Variants in BICD1 observed in about 807,000 individuals in gnomAD.
The protein encoded by BICD1 is BICD cargo adaptor 1, also known as protein bicaudal D homolog 1.
BICD1 carries 35 observed loss-of-function variants against 92.5 expected under a neutral mutation model. The observed-to-expected ratio is 0.38, with a 90% confidence interval of 0.29 to 0.50. The LOEUF (loss-of-function observed/expected upper bound fraction) is 0.50. BICD1 is among the 20% of genes least tolerant of loss of function. The pLI, the probability that BICD1 is intolerant of heterozygous loss-of-function variation, is 0.93. For missense variants in BICD1, 950 were observed against 1,189.8 expected, an observed-to-expected ratio of 0.80 and a Z score of 2.97; for synonymous variants, 429 against 465.1, an observed-to-expected ratio of 0.92 and a Z score of 1.00.
chr12:32,235,828 G>A (rs572589185), intron 2 of BICD1, among the ~76,000 whole-genome samples: 1 of 151,206 alleles, frequency 6.6e-6, no homozygotes, highest in African/African-American at 2.4e-5. Context: ...AGCCTCCCAA[G>A]TAGCTGGGAC....
At chr12:32,209,361 G>A (rs1225058730) in intron 1 of BICD1, among the ~76,000 whole-genome samples, 2 of 152,172 alleles carry the variant, frequency 1.3e-5, no homozygotes, top group South Asian at 2.1e-4. Context: ...GCAGAACAAT[G>A]TAGAGAAAAC....
intron 1 of BICD1, among the ~76,000 whole-genome samples, chr12:32,164,140 A>G (rs373615406): frequency 6.6e-6 from 1 of 152,166 alleles, no homozygotes; most frequent in Admixed American, 6.5e-5. Flanking sequence ...TGTCACAGCT[A>G]TAAGTTGGAG....
intron 3 of BICD1, among the ~76,000 whole-genome samples, chr12:32,302,960 G>T (rs1388929760): frequency 7.2e-6 from 1 of 139,234 alleles, no homozygotes; most frequent in African/African-American, 2.7e-5. Flanking sequence ...TCAAGACAGG[G>T]CCTCACTCTG....
intron 8 of BICD1, among the ~76,000 whole-genome samples, chr12:32,351,785 C>A (rs531165706): frequency 1.3e-5 from 2 of 150,590 alleles, no homozygotes; most frequent in Non-Finnish European, 3.0e-5. Context: ...TTCCTGTAAT[C>A]CCAGCTACTC....
At chr12:32,319,528 TTTTCTTATAATATG>T (rs1948592081) in intron 4 of BICD1, among the ~76,000 whole-genome samples, 1 of 152,144 alleles carries the variant, frequency 6.6e-6, no homozygotes, top group South Asian at 2.1e-4. Flanking sequence ...TTTAGTTTTC[TTTTCTTATAATATG>T]TTTCTCTGGG....
intron 3 of BICD1, among the ~76,000 whole-genome samples, chr12:32,301,503 A>C (rs1445117774): frequency 6.6e-6 from 1 of 152,064 alleles, no homozygotes; most frequent in African/African-American, 2.4e-5. Flanking sequence ...GGCCGAGTGC[A>C]GTGGCTCACG....
intron 2 of BICD1, among the ~76,000 whole-genome samples, chr12:32,285,024 G>A (rs1947525861): frequency 6.6e-6 from 1 of 152,152 alleles, no homozygotes; most frequent in African/African-American, 2.4e-5. Flanking sequence ...GGGGCTGTAA[G>A]GAAATGCTCA....
chr12:32,324,925 A>G (rs1948741384), intron 4 of BICD1, among the ~76,000 whole-genome samples: 1 of 152,026 alleles, frequency 6.6e-6, no homozygotes, highest in African/African-American at 2.4e-5. Flanking sequence ...CCTCCACTAA[A>G]TTTCTTTGGG....
At chr12:32,339,322 C>G (rs923607456) in intron 8 of BICD1, 2 of 1,018,880 alleles carry the variant, frequency 2.0e-6, no homozygotes, top group South Asian at 4.4e-5. Context: ...CAGATTTGGC[C>G]AGTTCTCTCT....
intron 2 of BICD1, among the ~76,000 whole-genome samples, chr12:32,255,970 T>C (rs1356789947): frequency 6.6e-6 from 1 of 152,202 alleles, no homozygotes; most frequent in Admixed American, 6.5e-5. Context: ...TTATTATTAA[T>C]TTATCAATAG....
intron 1 of BICD1, among the ~76,000 whole-genome samples, chr12:32,130,123 T>C (rs894799880): frequency 6.6e-6 from 1 of 152,092 alleles, no homozygotes; most frequent in African/African-American, 2.4e-5. Flanking sequence ...TCAATCTGAG[T>C]AGTCAGTGAA....
chr12:32,296,256 G>GTTTTTTTTTT (rs373796519), intron 3 of BICD1, among the ~76,000 whole-genome samples: 1 of 90,194 alleles, frequency 1.1e-5, no homozygotes, highest in Non-Finnish European at 2.4e-5. Flanking sequence ...GTTTTTTTTT[G>GTTTTTTTTTT]TTTTTTTTTT....
At position 32,296,320 on chromosome 12, in the gene BICD1, C is replaced by T. The variant is rs567124129; in HGVS notation, c.579+2174C>T. 6.1e-5 allele frequency among the ~76,000 whole-genome samples: 8 copies of T among 130,500 alleles called. 1 individual carries two copies. In the South Asian group the frequency reaches 9.9e-4, roughly 16 times the overall value. The allele number at this position is 130,500 out of a possible 152,430, so 85.6% of individuals were successfully genotyped here. The stretch of plus-strand genomic sequence containing the variant: ...GTCACCAGGCTGGAGTGCAGTGGCG[C>T]GATCTTGGCTCACTGCAACCTCTGC... On this transcript the variant is annotated intron_variant, in intron 3 of 9. Coordinates refer to ENST00000652176, the MANE Select transcript of BICD1 (RefSeq NM_001714.4).
At chr12:32,357,136 T>C (rs541593008) in intron 8 of BICD1, among the ~76,000 whole-genome samples, 100 of 151,446 alleles carry the variant, frequency 6.6e-4, no homozygotes, top group African/African-American at 2.2e-3. Flanking sequence ...CTCAGCCTCC[T>C]GAGTAGCTGG....
chr12:32,246,272 T>G (rs1486083487), intron 2 of BICD1, among the ~76,000 whole-genome samples: 7 of 144,970 alleles, frequency 4.8e-5, no homozygotes, highest in Non-Finnish European at 1.1e-4. Context: ...GACTGGGAGT[T>G]TGAGAACAGC....
chr12:32,307,708 T>C (rs1948267567), intron 4 of BICD1, among the ~76,000 whole-genome samples: 1 of 152,186 alleles, frequency 6.6e-6, no homozygotes, highest in African/African-American at 2.4e-5. Flanking sequence ...GCCAATGATG[T>C]TGATTTGTTA....
At chr12:32,193,213 C>A (rs1944627276) in intron 1 of BICD1, among the ~76,000 whole-genome samples, 1 of 152,194 alleles carries the variant, frequency 6.6e-6, no homozygotes, top group South Asian at 2.1e-4. Context: ...GCCACCCCAA[C>A]CTTCAACAAC....
chr12:32,328,433 G>T lies in BICD1; in HGVS notation c.1978G>T (p.Ala660Ser), dbSNP rs754508990. Residue 660 changes from alanine to serine, a missense_variant, in exon 5 of 10, where the codon GCC (alanine) becomes TCC (serine). Around this residue, in one of 5 missense-constraint regions of BICD1, gnomAD observed 309 missense variants for 499.4 expected, o/e 0.62. Coordinates refer to ENST00000652176, the MANE Select transcript of BICD1 (RefSeq NM_001714.4). The surrounding 1 kb of genome is among the most constrained non-coding windows in gnomAD (Gnocchi z 4.4). ...TCAAAGAGCAGCGGCTCGGGAGCTA[G>T]CCCCCATGATTGATAAAGACAAGGA... ...SRQRAAAREL[A>S]PMIDKDKEAL... 4 of 1,614,150 alleles carry T rather than the reference G, an allele frequency of 2.5e-6. No individual in the cohort carries two copies. The Admixed American group carries it at 6.7e-5, about 27-fold the overall frequency.
At chr12:32,182,918 A>G (rs1225829586) in intron 1 of BICD1, among the ~76,000 whole-genome samples, 1 of 107,470 alleles carries the variant, frequency 9.3e-6, no homozygotes, top group Admixed American at 1.3e-4. Flanking sequence ...TTAAAGAGAT[A>G]GTGTCTTGCT....
Sources: allele counts gnomAD v4.1 joint callset (sites outside exome capture counted in the v4.1 genomes callset), GRCh38; gene constraint gnomAD v4.1.1; regional missense constraint gnomAD v4.1.1; non-coding constraint Gnocchi (gnomAD v3.1); transcripts MANE v1.5; gene names NCBI Gene and HGNC (gene_info 2026-07-23, HGNC 2026-07-21).